The following PRKAR1A variants were observed in gnomAD, a reference collection of about 807,000 sequenced individuals.
PRKAR1A encodes cAMP-dependent protein kinase type I-alpha regulatory subunit.
A neutral mutation model predicts 52.0 loss-of-function variants in PRKAR1A; 3 were observed. The ratio of observed to expected loss-of-function variants is 0.06; its 90% CI spans 0.03 to 0.15. The LOEUF (loss-of-function observed/expected upper bound fraction) is 0.15. Among genes scored for constraint, PRKAR1A ranks in the 10% least tolerant of loss-of-function variants. The pLI, the probability that PRKAR1A is intolerant of heterozygous loss-of-function variation, is 1.00. For synonymous variants in PRKAR1A, 188 were observed against 168.4 expected (o/e 1.12, Z -0.90); for missense variants, 240 against 477.4 (o/e 0.50, Z 4.63).
At chr17:68,437,596 C>G in the PRKAR1A span, among the ~76,000 whole-genome samples, 1 of 151,518 alleles carries the variant, frequency 6.6e-6, no homozygotes, top group East Asian at 1.9e-4. Flanking sequence ...AGCCAAATGC[C>G]CTGCCTTGAT....
chr17:68,435,580 AGC>A, the PRKAR1A span: 16 of 1,596,806 alleles, frequency 1.0e-5, no homozygotes, highest in Non-Finnish European at 1.3e-5. Context: ...GGAGCCATCC[AGC>A]GAAACCCAGA....
chr17:68,428,462 G>A, the PRKAR1A span: 1 of 204,398 alleles, frequency 4.9e-6, no homozygotes, highest in South Asian at 7.7e-5. Flanking sequence ...TGAACACCTG[G>A]ACTCAAGCCA....
the PRKAR1A span, among the ~76,000 whole-genome samples, chr17:68,431,334 G>T: frequency 1.3e-5 from 2 of 152,084 alleles, no homozygotes; most frequent in African/African-American, 4.8e-5. Context: ...TCCCTGACAG[G>T]GTTGCTGGGA....
At chr17:68,429,044 G>T in the PRKAR1A span, 1 of 804,844 alleles carries the variant, frequency 1.2e-6, no homozygotes, top group African/African-American at 1.7e-5. Context: ...TTCTGCCTTT[G>T]ACAAACCCTT....
At chr17:68,540,421 T>A in intron 11 of PRKAR1A, 1 of 461,764 alleles carries the variant, frequency 2.2e-6, no homozygotes. Flanking sequence ...ACGGCCACCT[T>A]CATAAGTGTC....
intron 1 of PRKAR1A, among the ~76,000 whole-genome samples, chr17:68,514,003 C>G (rs888377977): frequency 6.6e-6 from 1 of 152,180 alleles, no homozygotes; most frequent in African/African-American, 2.4e-5. Flanking sequence ...ATCTTCAGTT[C>G]ATATGATTGC....
chr17:68,473,260 C>T, the PRKAR1A span, among the ~76,000 whole-genome samples: 1 of 152,088 alleles, frequency 6.6e-6, no homozygotes, highest in Non-Finnish European at 1.5e-5. Context: ...AAAATTAAGT[C>T]TGGGCACAAT....
chr17:68,483,635 G>A, the PRKAR1A span, among the ~76,000 whole-genome samples: 1 of 152,186 alleles, frequency 6.6e-6, no homozygotes, highest in Non-Finnish European at 1.5e-5. Context: ...GCCAAGGCAT[G>A]TGGATCACCT....
chr17:68,430,277 T>C, the PRKAR1A span: 1 of 1,048,154 alleles, frequency 9.5e-7, no homozygotes, highest in Non-Finnish European at 1.4e-6. Flanking sequence ...AGACTGTGCC[T>C]TAGCATAATG....
chr17:68,468,078 T>A, the PRKAR1A span, among the ~76,000 whole-genome samples: 1 of 151,884 alleles, frequency 6.6e-6, no homozygotes, highest in Non-Finnish European at 1.5e-5. Context: ...AGATATACAT[T>A]TTTTTTAGAG....
the PRKAR1A span, among the ~76,000 whole-genome samples, chr17:68,463,344 C>T: frequency 1.1e-3 from 165 of 152,258 alleles, 2 homozygotes; most frequent in Middle Eastern, 0.024. Flanking sequence ...CAGAAGCCTC[C>T]CTCACCACTT....
chr17:68,545,215 T>C (rs568897271), intron 11 of PRKAR1A, among the ~76,000 whole-genome samples: 1 of 152,366 alleles, frequency 6.6e-6, no homozygotes, highest in South Asian at 2.1e-4. Context: ...TGTTATGGTA[T>C]GAAAATAGAT....
At chr17:68,497,306 A>G in the PRKAR1A span, among the ~76,000 whole-genome samples, 3 of 152,204 alleles carry the variant, frequency 2.0e-5, no homozygotes, top group Non-Finnish European at 4.4e-5. Context: ...TGGTTGCAAC[A>G]AAGACCTTAT....
intron 7 of PRKAR1A, 76 bp downstream of exon 7, chr17:68,525,988 A>G: frequency 1.3e-6 from 2 of 1,518,320 alleles, no homozygotes; most frequent in South Asian, 1.2e-5. Context: ...TTACCAAATT[A>G]AAAAGAGAAT....
chr17:68,414,494 T>G, the PRKAR1A span, among the ~76,000 whole-genome samples: 2 of 152,208 alleles, frequency 1.3e-5, no homozygotes, highest in Non-Finnish European at 2.9e-5. Flanking sequence ...AGTTTTCTTT[T>G]TTGGTTATGT....
the PRKAR1A span, chr17:68,457,526 TACCCCGCCCCGTCCCC>T: frequency 0.011 from 5,410 of 497,802 alleles, 234 homozygotes; most frequent in Non-Finnish European, 0.012. Flanking sequence ...GCCCCGCCCC[TACCCCGCCCCGTCCCC>T]ACCCCGCCCC....
chr17:68,455,095 G>A, the PRKAR1A span, among the ~76,000 whole-genome samples: 409 of 152,196 alleles, frequency 2.7e-3, no homozygotes, highest in Non-Finnish European at 4.0e-3. Flanking sequence ...GGCATAGTGT[G>A]TCACATCTGT....
chr17:68,509,196 G>GT (rs2085232483), upstream of PRKAR1A, among the ~76,000 whole-genome samples: 2 of 152,152 alleles, frequency 1.3e-5, no homozygotes, highest in South Asian at 4.1e-4. Context: ...TTTCTTTTTC[G>GT]TTTTTTGAGT....
chr17:68,536,965 G>T (rs954824427), downstream of PRKAR1A: 1 of 454,400 alleles, frequency 2.2e-6, no homozygotes, highest in South Asian at 1.6e-5. Context: ...AATATGAGTA[G>T]AAAGTGTGAG....
Sources: gnomAD v4.1 joint callset for allele counts (sites outside exome capture counted in the v4.1 genomes callset) on GRCh38, gnomAD v4.1.1 for gene constraint, MANE v1.5 for transcripts, NCBI Gene and HGNC (gene_info 2026-07-23, HGNC 2026-07-21) for gene names.